Variants in NRK observed in about 807,000 individuals in gnomAD.
NRK encodes the protein nik-related protein kinase.
NRK carries 67 observed loss-of-function variants against 125.2 expected under a neutral mutation model. That is an observed-to-expected ratio of 0.54 (90% CI 0.44 to 0.66). The LOEUF is 0.66. NRK is among the 30% of genes least tolerant of loss of function. NRK has a pLI of 0.00. For missense variants in NRK, 1,224 were observed against 1,192.9 expected (o/e 1.03, Z -0.38); for synonymous variants, 458 against 429.0 (o/e 1.07, Z -0.84).
chrX:105,827,439 C>G (rs960195061), intron 1 of NRK, among the ~76,000 whole-genome samples: 3 of 111,425 alleles, frequency 2.7e-5, no homozygotes, highest in African/African-American at 9.8e-5. Context: ...TAGTCTCTGC[C>G]ATATTTGGTT....
chrX:105,909,481 G>T lies in NRK; in HGVS notation c.1840G>T (p.Gly614Trp), dbSNP rs1274090646. ...TACTCAGGTGCTCATTCCAGTAGAG[G>T]GGCAAACTGAAGGATCACCTCAGGC... ...LDTQVLIPVE[G>W]QTEGSPQAQA... The change falls in exon 13 of 29, where the codon GGG becomes TGG. Residue 614 changes from glycine to tryptophan, a missense_variant. Physicochemically the swap from Gly to Trp is radical, Grantham distance 184. Transcript: ENST00000243300. 3 of 1,208,046 alleles carry T rather than the reference G, an allele frequency of 2.5e-6. No homozygotes were observed. Among genetic ancestry groups the T allele is most frequent in the Non-Finnish European group, 3.4e-6 (3 of 894,204 alleles).
At chrX:105,866,965 T>C (rs913549093) in intron 2 of NRK, among the ~76,000 whole-genome samples, 1 of 111,111 alleles carries the variant, frequency 9.0e-6, no homozygotes, top group Admixed American at 9.6e-5. Flanking sequence ...ACACAGTGTG[T>C]TGCAGACAGG....
intron 2 of NRK, among the ~76,000 whole-genome samples, chrX:105,854,315 A>G (rs1431226626): frequency 8.9e-6 from 1 of 111,958 alleles, no homozygotes; most frequent in African/African-American, 3.2e-5. Flanking sequence ...TTAATAATAA[A>G]TAAACCTTGT....
chrX:105,920,270 A>C (rs1452153165), intron 16 of NRK, among the ~76,000 whole-genome samples: 1 of 107,470 alleles, frequency 9.3e-6, no homozygotes, highest in Non-Finnish European at 1.9e-5. Context: ...TTTTGGTACC[A>C]GTACCATGCT....
intron 11 of NRK, 51 bp downstream of exon 11, chrX:105,906,640 C>A: frequency 3.0e-6 from 2 of 659,869 alleles, no homozygotes; most frequent in African/African-American, 2.2e-5. Context: ...AGAGTTTATT[C>A]ATGTATTGTT....
intron 19 of NRK, among the ~76,000 whole-genome samples, chrX:105,933,045 G>T (rs976871872): frequency 9.0e-6 from 1 of 110,606 alleles, no homozygotes; most frequent in African/African-American, 3.3e-5. Context: ...GCATATGATA[G>T]GCACACAGTA....
intron 7 of NRK, among the ~76,000 whole-genome samples, chrX:105,897,814 T>G (rs1437613657): frequency 8.9e-6 from 1 of 112,289 alleles, no homozygotes; most frequent in Non-Finnish European, 1.9e-5. Flanking sequence ...TTCCTTTTTC[T>G]TCTCTTCCCC....
intron 21 of NRK, among the ~76,000 whole-genome samples, chrX:105,936,387 G>A (rs1485877540): frequency 5.4e-5 from 6 of 111,752 alleles, no homozygotes; most frequent in East Asian, 2.8e-4. Context: ...TTCTTATAAC[G>A]TGTAATTTTA....
chrX:105,874,664 C>T (rs2039790516), intron 2 of NRK, among the ~76,000 whole-genome samples: 1 of 111,646 alleles, frequency 9.0e-6, no homozygotes, highest in South Asian at 3.7e-4. Context: ...TAACAATGCC[C>T]TGTATGTGAG....
chrX:105,842,520 A>G (rs2039343764), intron 2 of NRK, among the ~76,000 whole-genome samples: 1 of 112,250 alleles, frequency 8.9e-6, no homozygotes. Context: ...TTGCTTGTAC[A>G]TGATTGGTTT....
intron 14 of NRK, 132 bp from the exon 15 acceptor site, chrX:105,915,595 CTGT>C (rs2040354742): frequency 2.8e-6 from 1 of 361,201 alleles, no homozygotes; most frequent in Admixed American, 5.2e-5. Flanking sequence ...GAAATAGAAT[CTGT>C]TTATTAAAAT....
intron 4 of NRK, among the ~76,000 whole-genome samples, chrX:105,887,243 A>C (rs1371804342): frequency 8.9e-6 from 1 of 112,197 alleles, no homozygotes; most frequent in Non-Finnish European, 1.9e-5. Context: ...CAGTAATAAA[A>C]TGACAACCCA....
intron 2 of NRK, among the ~76,000 whole-genome samples, chrX:105,866,829 T>A (rs1340301159): frequency 8.9e-6 from 1 of 111,927 alleles, no homozygotes; most frequent in African/African-American, 3.2e-5. Flanking sequence ...GGGGGCTTTT[T>A]AAAAAGTGTT....
chrX:105,954,365 A>G (rs2040945229), intron 28 of NRK, among the ~76,000 whole-genome samples: 1 of 111,128 alleles, frequency 9.0e-6, no homozygotes, highest in Non-Finnish European at 1.9e-5. Flanking sequence ...ATTGGGTATA[A>G]AGCAGATCTT....
chrX:105,850,885 C>T (rs1012548790), intron 2 of NRK, among the ~76,000 whole-genome samples: 3 of 112,271 alleles, frequency 2.7e-5, no homozygotes, highest in Admixed American at 9.5e-5. Context: ...TTTTTCTGAG[C>T]CCTCCAAACT....
At chrX:105,873,774 A>C (rs1437208823) in intron 2 of NRK, among the ~76,000 whole-genome samples, 1 of 111,418 alleles carries the variant, frequency 9.0e-6, no homozygotes, top group African/African-American at 3.3e-5. Context: ...TTCAAATGCT[A>C]TGCCATCTTC....
chrX:105,919,527 C>G (rs1805856512), intron 16 of NRK, among the ~76,000 whole-genome samples: 2 of 111,717 alleles, frequency 1.8e-5, no homozygotes, highest in African/African-American at 6.5e-5. Flanking sequence ...GGCCACATTT[C>G]AAATGCTCAG....
At chrX:105,869,774 A>C (rs2039718673) in intron 2 of NRK, among the ~76,000 whole-genome samples, 1 of 111,784 alleles carries the variant, frequency 8.9e-6, no homozygotes, top group Admixed American at 9.5e-5. Context: ...GTCATCACCC[A>C]TCTGTCTCAG....
chrX:105,935,925 CA>C (rs1199961370), intron 21 of NRK, among the ~76,000 whole-genome samples: 1 of 108,697 alleles, frequency 9.2e-6, no homozygotes, highest in East Asian at 2.8e-4. Context: ...TGAGGTATTC[CA>C]AGAAATATTT....
Sources: allele counts gnomAD v4.1 joint callset (sites outside exome capture counted in the v4.1 genomes callset), GRCh38; gene constraint gnomAD v4.1.1; transcripts MANE v1.5; gene names NCBI Gene and HGNC (gene_info 2026-07-23, HGNC 2026-07-21).